Variants in GPC5 observed in about 807,000 individuals in gnomAD.
The protein encoded by GPC5 is glypican-5.
In GPC5, 47 loss-of-function variants were observed where a neutral mutation model predicts 53.9. The observed-to-expected ratio is 0.87, with a 90% CI of 0.69 to 1.11. The LOEUF (loss-of-function observed/expected upper bound fraction) is 1.11, where lower values mean the gene tolerates loss of function less well. GPC5 is among the 50% of genes most tolerant of loss of function. The pLI is 0.00. For synonymous variants in GPC5, 286 were observed against 263.3 expected (o/e 1.09, Z -0.84); for missense variants, 748 against 713.1 (o/e 1.05, Z -0.56).
chr13:91,542,552 G>T (rs1180262114), intron 2 of GPC5, among the ~76,000 whole-genome samples: 1 of 152,202 alleles, frequency 6.6e-6, no homozygotes. Context: ...TGTAGGACAC[G>T]AGCGCAGTTG....
chr13:91,711,222 T>C (rs2036218359), intron 3 of GPC5, among the ~76,000 whole-genome samples: 1 of 152,172 alleles, frequency 6.6e-6, no homozygotes, highest in South Asian at 2.1e-4. Flanking sequence ...CCATGAATGA[T>C]AGACTGGATT....
chr13:91,656,864 G>A (rs2139589922), intron 2 of GPC5, among the ~76,000 whole-genome samples: 1 of 152,184 alleles, frequency 6.6e-6, no homozygotes, highest in East Asian at 1.9e-4. Context: ...AATATTTGTT[G>A]AGCATCTGTA....
At chr13:91,413,294 A>C (rs773648090) in intron 1 of GPC5, among the ~76,000 whole-genome samples, 1 of 152,084 alleles carries the variant, frequency 6.6e-6, no homozygotes, top group Non-Finnish European at 1.5e-5. Context: ...ACAACGAAAA[A>C]CCAAAATGAA....
intron 5 of GPC5, among the ~76,000 whole-genome samples, chr13:91,758,409 T>C (rs2037340367): frequency 6.6e-6 from 1 of 152,096 alleles, no homozygotes; most frequent in African/African-American, 2.4e-5. Flanking sequence ...ATATACTACA[T>C]TACATTATGT....
chr13:92,329,084 A>G (rs574491436), intron 7 of GPC5, among the ~76,000 whole-genome samples: 1 of 152,260 alleles, frequency 6.6e-6, no homozygotes, highest in African/African-American at 2.4e-5. Flanking sequence ...TTAAGTGAGT[A>G]CAGTATTCTA....
At chr13:91,529,092 C>G (rs1886218714) in intron 2 of GPC5, among the ~76,000 whole-genome samples, 1 of 152,146 alleles carries the variant, frequency 6.6e-6, no homozygotes, top group Non-Finnish European at 1.5e-5. Flanking sequence ...GATGAAATGT[C>G]AGTATAATTA....
intron 7 of GPC5, among the ~76,000 whole-genome samples, chr13:92,694,356 A>T (rs1021078990): frequency 3.9e-5 from 6 of 152,174 alleles, no homozygotes. Context: ...GCACCTGGAA[A>T]AGCCTCAGGT....
At chr13:92,488,920 C>T (rs562109465) in intron 7 of GPC5, among the ~76,000 whole-genome samples, 3 of 152,234 alleles carry the variant, frequency 2.0e-5, no homozygotes, top group South Asian at 4.1e-4. Flanking sequence ...ACAAATAAAA[C>T]ATTAGAAAGG....
intron 2 of GPC5, chr13:91,486,337 GCC>G (rs1883606570): frequency 6.6e-6 from 1 of 152,152 alleles, no homozygotes; most frequent in African/African-American, 2.4e-5. Flanking sequence ...CTCTCTGTAA[GCC>G]AGATTGCTTC....
intron 7 of GPC5, among the ~76,000 whole-genome samples, chr13:92,680,165 G>C (rs1887071370): frequency 6.6e-6 from 1 of 152,176 alleles, no homozygotes; most frequent in Non-Finnish European, 1.5e-5. Context: ...TGCCCTGGCA[G>C]AGCCAGCCTG....
intron 1 of GPC5, among the ~76,000 whole-genome samples, chr13:91,434,545 T>C (rs931974575): frequency 3.9e-5 from 6 of 152,224 alleles, no homozygotes; most frequent in Non-Finnish European, 8.8e-5. Flanking sequence ...GGCTCTGTTC[T>C]GTTCCATTGG....
intron 2 of GPC5, among the ~76,000 whole-genome samples, chr13:91,483,892 A>G (rs1344997318): frequency 1.3e-5 from 2 of 152,196 alleles, no homozygotes; most frequent in African/African-American, 4.8e-5. Context: ...TTTCACTTAA[A>G]GTCGCAGTTT....
intron 7 of GPC5, among the ~76,000 whole-genome samples, chr13:92,150,645 C>T (rs1290427730): frequency 6.6e-6 from 1 of 151,824 alleles, no homozygotes; most frequent in African/African-American, 2.4e-5. Flanking sequence ...AAAGGTTTGT[C>T]CTTGAATGCC....
chr13:91,650,751 T>TTTTG (rs912237427), intron 2 of GPC5, among the ~76,000 whole-genome samples: 4 of 10,608 alleles, frequency 3.8e-4, no homozygotes, highest in African/African-American at 7.9e-4. Context: ...TTCCCATAAG[T>TTTTG]TTTTTTTTTT....
intron 7 of GPC5, among the ~76,000 whole-genome samples, chr13:92,809,722 CATAACAGGTGTCATA>C (rs1877225785): frequency 6.6e-6 from 1 of 152,024 alleles, no homozygotes; most frequent in Non-Finnish European, 1.5e-5. Context: ...CACAGATCAC[CATAACAGGTGTCATA>C]ATAATGAAGT....
chr13:91,805,806 G>A (rs190362082), intron 5 of GPC5, among the ~76,000 whole-genome samples: 57 of 152,126 alleles, frequency 3.7e-4, no homozygotes, highest in African/African-American at 1.3e-3. Context: ...TTCTAGGATG[G>A]CTTTTGTACA....
chr13:91,646,337 T>C lies in GPC5; in HGVS notation c.326-46850T>C, dbSNP rs544627196. Among the ~76,000 whole-genome samples, 164 of 152,168 alleles carry C rather than the reference T, an allele frequency of 1.1e-3. 4 individuals carry two copies. The South Asian group carries it at 0.033, about 30-fold the overall frequency. ...GATGAAAATATATATTTTTTTAACA[T>C]TTAAGGAAATGTGTTTTTACTGTTT... is the stretch of plus-strand genomic sequence containing the variant. On this transcript the variant is annotated intron_variant, in intron 2 of 7. Coordinates refer to ENST00000377067, the MANE Select transcript of GPC5 (RefSeq NM_004466.6).
At chr13:91,801,529 G>C (rs561523785) in intron 5 of GPC5, among the ~76,000 whole-genome samples, 22 of 151,970 alleles carry the variant, frequency 1.4e-4, no homozygotes, top group Non-Finnish European at 3.2e-4. Flanking sequence ...TTGAAGTTAC[G>C]GATTGGACCA....
At chr13:92,308,103 T>G (rs1477321792) in intron 7 of GPC5, among the ~76,000 whole-genome samples, 1 of 152,174 alleles carries the variant, frequency 6.6e-6, no homozygotes, top group Admixed American at 6.5e-5. Flanking sequence ...AAAGTATGGT[T>G]TGTGGGATCA....
Sources: allele counts gnomAD v4.1 joint callset (sites outside exome capture counted in the v4.1 genomes callset), GRCh38; gene constraint gnomAD v4.1.1; transcripts MANE v1.5; gene names NCBI Gene and HGNC (gene_info 2026-07-23, HGNC 2026-07-21).